CEP85L: variants seen among roughly 807,000 people sequenced by gnomAD.
CEP85L encodes centrosomal protein 85L.
A neutral mutation model predicts 100.3 loss-of-function variants in CEP85L; 60 were observed. The ratio of observed to expected loss-of-function variants is 0.60; its 90% CI spans 0.49 to 0.74. CEP85L has a LOEUF of 0.74. CEP85L is among the 30% of genes least tolerant of loss of function. CEP85L has a pLI of 0.00. For missense variants in CEP85L, 973 were observed against 936.2 expected (o/e 1.04, Z -0.51); for synonymous variants, 319 against 322.7 (o/e 0.99, Z 0.12).
At chr6:118,479,066 G>T (rs1773591917) in intron 10 of CEP85L, among the ~76,000 whole-genome samples, 1 of 152,132 alleles carries the variant, frequency 6.6e-6, no homozygotes, top group Non-Finnish European at 1.5e-5. Flanking sequence ...CATAACAATA[G>T]CTGAGGAAAT....
chr6:118,488,143 G>A (rs1030411902), intron 6 of CEP85L, among the ~76,000 whole-genome samples: 12 of 151,952 alleles, frequency 7.9e-5, no homozygotes, highest in Non-Finnish European at 4.4e-5. Context: ...TAATATACAA[G>A]TATCAACTTA....
intron 11 of CEP85L, 81 bp from the exon 12 acceptor site, chr6:118,469,384 C>T: frequency 9.3e-7 from 1 of 1,079,746 alleles, no homozygotes; most frequent in Non-Finnish European, 1.4e-6. Context: ...ACATTCTCCC[C>T]CAAGTCTATA....
intron 10 of CEP85L, among the ~76,000 whole-genome samples, chr6:118,475,230 A>G (rs1212327614): frequency 1.3e-5 from 2 of 152,114 alleles, no homozygotes; most frequent in African/African-American, 4.8e-5. Flanking sequence ...TGAGGCTTCT[A>G]TTCGAGATGA....
intron 2 of CEP85L, among the ~76,000 whole-genome samples, chr6:118,600,858 C>T (rs544575253): frequency 2.6e-5 from 4 of 151,102 alleles, no homozygotes; most frequent in East Asian, 1.9e-4. Context: ...AAAATTGAGG[C>T]GTGTGTTCAA....
At chr6:118,465,917 A>G (rs1772481907) in intron 12 of CEP85L, among the ~76,000 whole-genome samples, 1 of 152,182 alleles carries the variant, frequency 6.6e-6, no homozygotes, top group African/African-American at 2.4e-5. Flanking sequence ...AAATCTGAAG[A>G]CCATTTGTGT....
intron 2 of CEP85L, among the ~76,000 whole-genome samples, chr6:118,567,239 GTGTGTGTGTGTATATATATATATATATA>G (rs1324936584): frequency 1.0e-3 from 56 of 53,334 alleles, no homozygotes; most frequent in African/African-American, 2.0e-3. Context: ...GTGTGTGTGT[GTGTGTGTGTGTATATATATATATATATA>G]TATATATATA....
intron 3 of CEP85L, among the ~76,000 whole-genome samples, chr6:118,555,881 T>C (rs1257093301): frequency 1.3e-5 from 2 of 152,192 alleles, no homozygotes; most frequent in African/African-American, 4.8e-5. Flanking sequence ...TGCTCCCACC[T>C]GTAAGTGAGA....
At chr6:118,507,497 A>C (rs976534329) in intron 5 of CEP85L, among the ~76,000 whole-genome samples, 15 of 152,194 alleles carry the variant, frequency 9.9e-5, no homozygotes, top group African/African-American at 3.4e-4. Context: ...TGGCACTATT[A>C]ATAAATTTAT....
chr6:118,529,786 G>T (rs1777189027), intron 3 of CEP85L, among the ~76,000 whole-genome samples: 1 of 152,060 alleles, frequency 6.6e-6, no homozygotes, highest in Non-Finnish European at 1.5e-5. Flanking sequence ...CACTGTCTTA[G>T]CTTTAGTACA....
At chr6:118,548,330 C>T (rs1010075144) in intron 3 of CEP85L, 4 of 152,122 alleles carry the variant, frequency 2.6e-5, no homozygotes, top group Non-Finnish European at 5.9e-5. Flanking sequence ...AACTCCCCAG[C>T]TAAACACCCG....
chr6:118,660,794 C>A (rs1775945581), intron 1 of CEP85L, among the ~76,000 whole-genome samples: 1 of 152,214 alleles, frequency 6.6e-6, no homozygotes. Flanking sequence ...TTAACTCTCA[C>A]CTTGAGTTCT....
chr6:118,621,951 A>G (rs1001074034), intron 2 of CEP85L, among the ~76,000 whole-genome samples: 1 of 152,196 alleles, frequency 6.6e-6, no homozygotes, highest in Non-Finnish European at 1.5e-5. Context: ...AAAACTTTAT[A>G]ACAGACCCTA....
chr6:118,696,497 C>T (rs1344102494), intron 1 of CEP85L, among the ~76,000 whole-genome samples: 3 of 152,204 alleles, frequency 2.0e-5, no homozygotes, highest in Non-Finnish European at 2.9e-5. Context: ...TCAGCAGTGA[C>T]AGCCAGCATT....
intron 1 of CEP85L, among the ~76,000 whole-genome samples, chr6:118,693,942 T>A (rs114774742): frequency 8.3e-4 from 126 of 152,246 alleles, no homozygotes; most frequent in African/African-American, 3.0e-3. Context: ...GACTGGAAAG[T>A]AAGTATCTAG....
chr6:118,517,917 C>T (rs1776378041), intron 4 of CEP85L, among the ~76,000 whole-genome samples: 1 of 152,128 alleles, frequency 6.6e-6, no homozygotes, highest in Non-Finnish European at 1.5e-5. Context: ...TGCATCAATA[C>T]CTAGTTTATT....
upstream of CEP85L, among the ~76,000 whole-genome samples, chr6:118,654,762 A>G (rs905274138): frequency 6.6e-6 from 1 of 152,260 alleles, no homozygotes; most frequent in African/African-American, 2.4e-5. Flanking sequence ...ATTGGGGATT[A>G]TAATGATAAC....
At chr6:118,514,340 C>A (rs936339132) in intron 4 of CEP85L, among the ~76,000 whole-genome samples, 1 of 151,838 alleles carries the variant, frequency 6.6e-6, no homozygotes, top group Non-Finnish European at 1.5e-5. Context: ...GCCTGGCCAG[C>A]ATGGTGAAAC....
intron 1 of CEP85L, among the ~76,000 whole-genome samples, chr6:118,636,845 G>C (rs1220984512): frequency 6.6e-6 from 1 of 152,094 alleles, no homozygotes; most frequent in Non-Finnish European, 1.5e-5. Flanking sequence ...TCTCCAGCTT[G>C]CCAAATCACC....
chr6:118,525,957 A>T (rs1188624151), intron 3 of CEP85L, among the ~76,000 whole-genome samples: 1 of 152,228 alleles, frequency 6.6e-6, no homozygotes, highest in African/African-American at 2.4e-5. Context: ...CATAACATCA[A>T]CCAGTCACAG....
Sources: allele counts gnomAD v4.1 joint callset (sites outside exome capture counted in the v4.1 genomes callset), GRCh38; gene constraint gnomAD v4.1.1; transcripts MANE v1.5; gene names NCBI Gene and HGNC (gene_info 2026-07-23, HGNC 2026-07-21).